DOCK3: variants seen among roughly 807,000 people sequenced by gnomAD.
DOCK3 encodes dedicator of cytokinesis protein 3.
A neutral mutation model predicts 265.6 loss-of-function variants in DOCK3; 60 were observed. The observed-to-expected ratio is 0.23, with a 90% confidence interval of 0.18 to 0.28. The LOEUF (loss-of-function observed/expected upper bound fraction) is 0.28. Ranked by LOEUF, DOCK3 falls within the 10% of genes least tolerant of loss-of-function variation. The probability of loss-of-function intolerance (pLI) is 1.00; values close to 1 mark genes in which losing one functional copy is unlikely to be tolerated. For missense variants in DOCK3, 1,981 were observed against 2,594.3 expected (o/e 0.76, Z 5.14); for synonymous variants, 881 against 938.0 (o/e 0.94, Z 1.11).
chr3:51,256,237 G>T (rs1329143081), intron 22 of DOCK3, among the ~76,000 whole-genome samples: 1 of 152,144 alleles, frequency 6.6e-6, no homozygotes, highest in Non-Finnish European at 1.5e-5. Flanking sequence ...GTAGACTGGA[G>T]CTGTTCCTAT....
rs1411185987 is a variant in DOCK3, at chr3:51,310,272, T to C, written c.2963T>C (p.Met988Thr). 1.9e-6 allele frequency: 3 copies of C among 1,606,632 alleles called. No individual in the cohort carries two copies. The East Asian group carries it at 6.7e-5, about 36-fold the overall frequency. The change falls in exon 28 of 53, where the codon ATG (methionine) becomes ACG (threonine). Residue 988 changes from methionine to threonine, a missense_variant. Around this residue, in one of 4 missense-constraint regions of DOCK3, gnomAD observed 1,357 missense variants for 1,866.8 expected, o/e 0.73. Coordinates refer to ENST00000266037, the MANE Select transcript of DOCK3 (RefSeq NM_004947.5). The part of the protein sequence containing the change: ...LKIFCVFRNL[M>T]KMSVFPRDWM... ...ATTTTTTGCGTGTTCCGGAACCTGA[T>C]GAAGATGAGTGTCTTCCCTCGGGAC...
At chr3:51,297,385 C>A (rs2082147425) in intron 27 of DOCK3, among the ~76,000 whole-genome samples, 1 of 152,054 alleles carries the variant, frequency 6.6e-6, no homozygotes, top group African/African-American at 2.4e-5. Context: ...TCAAAGGCTA[C>A]CATCAAGATA....
At chr3:51,304,343 G>A (rs1230119762) in intron 27 of DOCK3, among the ~76,000 whole-genome samples, 1 of 151,944 alleles carries the variant, frequency 6.6e-6, no homozygotes, top group Non-Finnish European at 1.5e-5. Flanking sequence ...CAGCCATAGT[G>A]ATGCCTGCTG....
chr3:50,765,313 A>G (rs893662265), intron 1 of DOCK3, among the ~76,000 whole-genome samples: 1 of 151,894 alleles, frequency 6.6e-6, no homozygotes. Context: ...CAAACTCCTG[A>G]CCTCAAGTAA....
chr3:51,216,369 A>G (rs1009052927), intron 14 of DOCK3, among the ~76,000 whole-genome samples: 2 of 152,206 alleles, frequency 1.3e-5, no homozygotes. Context: ...AATTTCAAGC[A>G]TTGGTGAGGC....
chr3:51,248,425 C>T (rs1057135244), intron 22 of DOCK3, among the ~76,000 whole-genome samples: 1 of 152,256 alleles, frequency 6.6e-6, no homozygotes, highest in African/African-American at 2.4e-5. Context: ...CAGCTCCTAA[C>T]CGCGAGTGAT....
chr3:51,231,679 T>G (rs374216466), intron 19 of DOCK3, among the ~76,000 whole-genome samples: 6 of 152,346 alleles, frequency 3.9e-5, no homozygotes, highest in African/African-American at 1.4e-4. Context: ...GATGCATAGT[T>G]TGCAAATATT....
chr3:50,768,469 C>T (rs970671016), intron 1 of DOCK3, among the ~76,000 whole-genome samples: 6 of 152,134 alleles, frequency 3.9e-5, no homozygotes, highest in African/African-American at 1.2e-4. Flanking sequence ...AAAAGCTTAT[C>T]CACCATGATC....
intron 1 of DOCK3, among the ~76,000 whole-genome samples, chr3:50,744,392 T>C (rs766202251): frequency 7.9e-5 from 12 of 152,116 alleles, no homozygotes; most frequent in Admixed American, 1.3e-4. Context: ...AGGAGACTTA[T>C]AGTTTTAGTT....
intron 14 of DOCK3, among the ~76,000 whole-genome samples, chr3:51,224,178 T>A (rs913825416): frequency 6.6e-6 from 1 of 152,234 alleles, no homozygotes; most frequent in Non-Finnish European, 1.5e-5. Flanking sequence ...TAGGGAAAGT[T>A]CTTAGGGCTC....
chr3:50,962,217 T>A (rs2076909191), intron 5 of DOCK3, among the ~76,000 whole-genome samples: 1 of 152,144 alleles, frequency 6.6e-6, no homozygotes, highest in Non-Finnish European at 1.5e-5. Flanking sequence ...GTGTTCTCAT[T>A]GTTCAACTCC....
intron 9 of DOCK3, among the ~76,000 whole-genome samples, chr3:51,135,833 C>A (rs1037147660): frequency 6.6e-6 from 1 of 152,136 alleles, no homozygotes; most frequent in Non-Finnish European, 1.5e-5. Flanking sequence ...ACTTCAGCCT[C>A]CTGAGTCGCC....
At chr3:51,072,298 T>C (rs2081905081) in intron 6 of DOCK3, among the ~76,000 whole-genome samples, 1 of 152,150 alleles carries the variant, frequency 6.6e-6, no homozygotes. Flanking sequence ...AATGCCAGTC[T>C]CCACACATGG....
At chr3:50,901,414 T>C (rs1158655007) in intron 4 of DOCK3, among the ~76,000 whole-genome samples, 2 of 152,146 alleles carry the variant, frequency 1.3e-5, no homozygotes, top group Admixed American at 6.5e-5. Flanking sequence ...CTTGGCTCCA[T>C]GGGAATGAGA....
chr3:51,187,180 A>G (rs969619580), intron 12 of DOCK3, among the ~76,000 whole-genome samples: 4 of 152,226 alleles, frequency 2.6e-5, no homozygotes, highest in Non-Finnish European at 4.4e-5. Flanking sequence ...GCCCAAGACT[A>G]TGGGAACCTA....
intron 2 of DOCK3, among the ~76,000 whole-genome samples, chr3:50,826,765 A>G (rs2044781163): frequency 1.3e-5 from 2 of 152,360 alleles, no homozygotes; most frequent in Admixed American, 6.5e-5. Flanking sequence ...AAAATATGAT[A>G]GCAAGAATGA....
In DOCK3 at chr3:51,267,677, C is replaced by T. The variant is rs576534967; in HGVS notation, c.2356-3138C>T. On this transcript the variant is annotated intron_variant, in intron 23 of 52. Coordinates refer to ENST00000266037, the MANE Select transcript of DOCK3 (RefSeq NM_004947.5). The stretch of plus-strand genomic sequence containing the variant: ...CTGGGATTACACGCATGAGCCACCG[C>T]GCCCAGCCACACACATACGTTTATT... Among the ~76,000 whole-genome samples the T allele has an allele frequency of 3.4e-4, 52 of 152,214 alleles. No homozygotes were observed. The East Asian group carries it at 5.6e-3, about 16-fold the overall frequency.
Position 51,382,837 on chromosome 3 carries a change from T to C in DOCK3, c.*1278T>C, listed in dbSNP as rs1484767692. 1 of 152,466 alleles carries C rather than the reference T, an allele frequency of 6.6e-6. No homozygotes were observed. The highest frequency in any genetic ancestry group is 2.4e-5 in the African/African-American group (1 of 41,448). 9.4% of individuals were successfully genotyped at this position (152,466 alleles called of 1,614,324 possible). A position where few individuals can be genotyped will look rare whatever the true frequency, so the allele number is the denominator to read the frequency against. On this transcript the variant is annotated 3_prime_UTR_variant, in exon 53 of 53. Coordinates refer to ENST00000266037, the MANE Select transcript of DOCK3 (RefSeq NM_004947.5). ...CTATAAAGCAGAGCAGTGGTGTCTT[T>C]AGAGGAAACTCATTCAAGTCAGGGC... is the stretch of plus-strand genomic sequence containing the variant.
intron 4 of DOCK3, among the ~76,000 whole-genome samples, chr3:50,915,947 A>T (rs1164571368): frequency 1.3e-5 from 2 of 151,774 alleles, no homozygotes; most frequent in East Asian, 3.9e-4. Context: ...TAGCTTGGGG[A>T]TATCCAGCCA....
Sources: allele counts gnomAD v4.1 joint callset (sites outside exome capture counted in the v4.1 genomes callset), GRCh38; gene constraint gnomAD v4.1.1; regional missense constraint gnomAD v4.1.1; transcripts MANE v1.5; gene names NCBI Gene and HGNC (gene_info 2026-07-23, HGNC 2026-07-21).